Variants in DCLK1 observed in about 807,000 individuals in gnomAD.
The protein encoded by DCLK1 is serine/threonine-protein kinase DCLK1.
In DCLK1, 16 loss-of-function variants were observed where a neutral mutation model predicts 86.2. The observed-to-expected ratio is 0.19, with a 90% CI of 0.13 to 0.28. The LOEUF (loss-of-function observed/expected upper bound fraction) is 0.28. Ranked by LOEUF, DCLK1 falls within the 10% of genes least tolerant of loss-of-function variation. DCLK1 has a pLI of 1.00. For synonymous variants in DCLK1, 369 were observed against 370.5 expected, an observed-to-expected ratio of 1.00 and a Z score of 0.05; for missense variants, 590 against 940.2, an observed-to-expected ratio of 0.63 and a Z score of 4.87.
intron 1 of DCLK1, among the ~76,000 whole-genome samples, chr13:36,129,873 G>A (rs1293358729): frequency 6.9e-6 from 1 of 145,890 alleles, no homozygotes; most frequent in Non-Finnish European, 1.5e-5. Context: ...TTCTCGGTGG[G>A]ATTTCTCACC....
chr13:35,822,831 G>T lies in DCLK1; in HGVS notation c.1452C>A (p.Thr484=). ...FDAITSTNKY[T]ERDASGMLYN... ...ACAGCATCCCACTGGCGTCTCTCTC[G>T]GTGTATTTGTTAGTGGAAGTAATGG... The change falls in exon 11 of 17, where the codon ACC becomes ACA. Residue 484 remains threonine (T), a synonymous_variant. Coordinates refer to ENST00000360631, the MANE Select transcript of DCLK1 (RefSeq NM_001330071.2). 1.9e-6 allele frequency: 3 copies of T among 1,613,710 alleles called. No homozygotes were observed. Among genetic ancestry groups the T allele is most frequent in the Non-Finnish European group, 2.5e-6 (3 of 1,179,940 alleles).
At chr13:36,058,303 T>G (rs1566663594) in intron 3 of DCLK1, among the ~76,000 whole-genome samples, 1 of 152,190 alleles carries the variant, frequency 6.6e-6, no homozygotes, top group South Asian at 2.1e-4. Flanking sequence ...GAGAGCCTGA[T>G]GGACTGAGAA....
intron 4 of DCLK1, among the ~76,000 whole-genome samples, chr13:35,915,438 C>G (rs1251588593): frequency 1.3e-5 from 2 of 152,184 alleles, no homozygotes; most frequent in African/African-American, 2.4e-5. Context: ...TGGTGGCACA[C>G]ACCTGTAATC....
chr13:36,065,968 GT>G (rs151110581), intron 3 of DCLK1, among the ~76,000 whole-genome samples: 1 of 151,680 alleles, frequency 6.6e-6, no homozygotes, highest in African/African-American at 2.4e-5. Context: ...AATTATGGCT[GT>G]TTTTTTTATT....
At chr13:35,832,364 T>C (rs1371047124) in intron 8 of DCLK1, among the ~76,000 whole-genome samples, 2 of 152,210 alleles carry the variant, frequency 1.3e-5, no homozygotes, top group African/African-American at 4.8e-5. Flanking sequence ...ACATGGTTTC[T>C]CTTGTTGCTG....
chr13:35,794,340 A>ATTCATTTGTAACTCACTGC (rs375165773), intron 15 of DCLK1, among the ~76,000 whole-genome samples: 1,673 of 152,352 alleles, frequency 0.011, 32 homozygotes, highest in African/African-American at 0.038. Context: ...GAATGAACAG[A>ATTCATTTGTAACTCACTGC]TAATAGAGTG....
intron 5 of DCLK1, among the ~76,000 whole-genome samples, chr13:35,863,283 A>G (rs1314966984): frequency 6.6e-6 from 1 of 152,234 alleles, no homozygotes; most frequent in Non-Finnish European, 1.5e-5. Context: ...AATATAAGCA[A>G]CTTGAAGGCA....
chr13:35,801,959 G>A (rs771531073), intron 15 of DCLK1, among the ~76,000 whole-genome samples: 1 of 152,084 alleles, frequency 6.6e-6, no homozygotes, highest in Non-Finnish European at 1.5e-5. Context: ...TGCTGGAACT[G>A]ACTGTCAGAT....
In DCLK1 at chr13:35,827,960, C is replaced by T. The variant is rs192386493; in HGVS notation, c.1288-206G>A. Among the ~76,000 whole-genome samples the T allele has an allele frequency of 4.0e-3, 602 of 152,228 alleles. 1 individual carries two copies. Among genetic ancestry groups the T allele is most frequent in the Non-Finnish European group, 6.2e-3 (419 of 68,028 alleles). ...TACATAATGCTTGCAAATTCAGAAC[C>T]AATCATGATAACTACAGTTTCATAG... On this transcript the variant is annotated intron_variant, in intron 9 of 16. Transcript: ENST00000360631.
At chr13:35,920,036 T>G (rs1030258981) in intron 4 of DCLK1, among the ~76,000 whole-genome samples, 1 of 152,180 alleles carries the variant, frequency 6.6e-6, no homozygotes, top group African/African-American at 2.4e-5. Context: ...CACTGCCAGA[T>G]TAATTTTCTT....
chr13:35,871,194 A>T, intron 5 of DCLK1, 30 bp downstream of exon 5: 1 of 1,587,076 alleles, frequency 6.3e-7, no homozygotes. Context: ...GAACAAGGCA[A>T]TTTCTTCAAA....
At chr13:35,802,328 T>C (rs905823548) in intron 15 of DCLK1, among the ~76,000 whole-genome samples, 2 of 144,312 alleles carry the variant, frequency 1.4e-5, no homozygotes, top group Non-Finnish European at 3.0e-5. Context: ...TGAGACCCTG[T>C]CTCAAAAAAA....
chr13:35,828,256 T>C lies in DCLK1; in HGVS notation c.1281A>G (p.Arg427=). 6.2e-7 allele frequency: 1 copy of C among 1,610,676 alleles called. No individual in the cohort carries two copies. Among genetic ancestry groups the C allele is most frequent in the Non-Finnish European group, 8.5e-7 (1 of 1,179,170 alleles). ...GAACAAATTTTATACATACTTTGCCTCGACATTTGCTTTTCTTGATAATTT... is the reference window on the plus strand; with the variant it reads ...GAACAAATTTTATACATACTTTGCCCCGACATTTGCTTTTCTTGATAATTT... ...ALKIIKKSKC[R]GKEHMIQNEV... The change falls in exon 9 of 17, where the codon CGA becomes CGG. Residue 427 remains arginine (R), a synonymous_variant. Coordinates refer to ENST00000360631, the MANE Select transcript of DCLK1 (RefSeq NM_001330071.2).
At chr13:35,889,291 T>TA in intron 4 of DCLK1, among the ~76,000 whole-genome samples, 1 of 152,318 alleles carries the variant, frequency 6.6e-6, no homozygotes, top group Middle Eastern at 3.4e-3. Context: ...AAAAATAATC[T>TA]ATCAGAAAGG....
chr13:35,778,247 A>G (rs1026996785), intron 16 of DCLK1, among the ~76,000 whole-genome samples: 5 of 152,192 alleles, frequency 3.3e-5, no homozygotes, highest in African/African-American at 1.2e-4. Flanking sequence ...ACAGCTCCTC[A>G]TAAAGCCCAA....
At chr13:35,918,846 T>C (rs1234643286) in intron 4 of DCLK1, among the ~76,000 whole-genome samples, 3 of 144,774 alleles carry the variant, frequency 2.1e-5, no homozygotes, top group Admixed American at 7.2e-5. Context: ...TAATTAATTG[T>C]CTTATAATTT....
chr13:36,102,298 T>G (rs2138164771), intron 3 of DCLK1, among the ~76,000 whole-genome samples: 1 of 152,126 alleles, frequency 6.6e-6, no homozygotes, highest in Non-Finnish European at 1.5e-5. Context: ...CCAAGGCAAC[T>G]TTGGTTTATG....
chr13:35,918,690 C>G (rs1875580213), intron 4 of DCLK1, among the ~76,000 whole-genome samples: 1 of 152,052 alleles, frequency 6.6e-6, no homozygotes. Context: ...GCCTAGCCTT[C>G]CTAAGCCCAT....
In DCLK1 at chr13:35,822,762, G is replaced by T; in HGVS notation, c.1521C>A (p.Ile507=). The change falls in exon 11 of 17, where the codon ATC becomes ATA. Residue 507 remains isoleucine (I), a synonymous_variant. Coordinates refer to ENST00000360631, the MANE Select transcript of DCLK1 (RefSeq NM_001330071.2). Reference sequence around the variant, plus strand: ...TCTCTGGCTTGATATCACGGTGGACGATGTTCAGGCTATGCAGGTATTTGA... The same window carrying T: ...TCTCTGGCTTGATATCACGGTGGACTATGTTCAGGCTATGCAGGTATTTGA... ...SAIKYLHSLN[I]VHRDIKPENL... 5.0e-6 allele frequency: 8 copies of T among 1,613,984 alleles called. No homozygotes were observed. Among genetic ancestry groups the T allele is most frequent in the Non-Finnish European group, 6.8e-6 (8 of 1,179,978 alleles).
Sources: allele counts gnomAD v4.1 joint callset (sites outside exome capture counted in the v4.1 genomes callset), GRCh38; gene constraint gnomAD v4.1.1; transcripts MANE v1.5; gene names NCBI Gene and HGNC (gene_info 2026-07-23, HGNC 2026-07-21).